The following RIMS2 variants were observed in gnomAD, a reference collection of about 807,000 sequenced individuals.
RIMS2 encodes the protein regulating synaptic membrane exocytosis protein 2.
RIMS2 carries 59 observed loss-of-function variants against 174.4 expected under a neutral mutation model. The observed-to-expected ratio is 0.34, with a 90% confidence interval of 0.27 to 0.42. The LOEUF (loss-of-function observed/expected upper bound fraction) is 0.42. Among genes scored for constraint, RIMS2 ranks in the 10% least tolerant of loss-of-function variants. The pLI is 1.00. For missense variants in RIMS2, 1,620 were observed against 1,666.3 expected, an observed-to-expected ratio of 0.97 and a Z score of 0.48; for synonymous variants, 606 against 572.5, an observed-to-expected ratio of 1.06 and a Z score of -0.84.
At chr8:103,797,860 C>T (rs1564676994) in intron 3 of RIMS2, among the ~76,000 whole-genome samples, 1 of 152,130 alleles carries the variant, frequency 6.6e-6, no homozygotes. Context: ...CAGTTTGTCA[C>T]TGCCAGTCCT....
At chr8:103,851,948 T>C (rs528809705) in intron 3 of RIMS2, among the ~76,000 whole-genome samples, 1 of 152,096 alleles carries the variant, frequency 6.6e-6, no homozygotes, top group African/African-American at 2.4e-5. Context: ...ATTGCATGTT[T>C]TTGTATCTCT....
chr8:104,044,558 T>G (rs1044386375), intron 19 of RIMS2, among the ~76,000 whole-genome samples: 1 of 151,524 alleles, frequency 6.6e-6, no homozygotes, highest in African/African-American at 2.4e-5. Flanking sequence ...AGGATGTATG[T>G]GGGATGTTTA....
intron 19 of RIMS2, among the ~76,000 whole-genome samples, chr8:104,022,407 G>T (rs2096123778): frequency 6.6e-6 from 1 of 152,006 alleles, no homozygotes; most frequent in Admixed American, 6.6e-5. Flanking sequence ...TTAAGACAGG[G>T]TCTTGCTCTC....
chr8:103,898,363 G>T (rs2099303669), intron 4 of RIMS2, among the ~76,000 whole-genome samples: 2 of 151,602 alleles, frequency 1.3e-5, no homozygotes, highest in Admixed American at 1.3e-4. Flanking sequence ...CATCCCAGGG[G>T]TATGTGATAG....
intron 19 of RIMS2, among the ~76,000 whole-genome samples, chr8:104,078,497 A>G (rs1200457937): frequency 6.6e-6 from 1 of 152,096 alleles, no homozygotes; most frequent in East Asian, 1.9e-4. Context: ...TTATAAGGAC[A>G]CCAATCATAT....
At chr8:103,968,178 T>C (rs1222863051) in intron 15 of RIMS2, among the ~76,000 whole-genome samples, 2 of 152,122 alleles carry the variant, frequency 1.3e-5, no homozygotes, top group African/African-American at 4.8e-5. Flanking sequence ...CCTAACTTCT[T>C]TTGATTAGTG....
intron 3 of RIMS2, among the ~76,000 whole-genome samples, chr8:103,853,648 C>A (rs939538973): frequency 3.3e-5 from 5 of 152,092 alleles, no homozygotes; most frequent in African/African-American, 1.2e-4. Flanking sequence ...GAGTTCATTA[C>A]CCATTGATTG....
At chr8:103,624,446 T>C (rs1210215468) in intron 1 of RIMS2, among the ~76,000 whole-genome samples, 1 of 152,182 alleles carries the variant, frequency 6.6e-6, no homozygotes, top group African/African-American at 2.4e-5. Flanking sequence ...ACTGATTTCC[T>C]AGCTCGCAAA....
At chr8:104,075,567 C>T (rs2097273384) in intron 19 of RIMS2, among the ~76,000 whole-genome samples, 1 of 152,190 alleles carries the variant, frequency 6.6e-6, no homozygotes. Context: ...ATGCCAGTGG[C>T]TGTACCTGGA....
At chr8:103,716,125 A>G (rs2097365526) in intron 2 of RIMS2, among the ~76,000 whole-genome samples, 184 bp from the exon 5 acceptor site, 1 of 151,998 alleles carries the variant, frequency 6.6e-6, no homozygotes, top group Non-Finnish European at 1.5e-5. Flanking sequence ...AATCTCCCCT[A>G]AAATTTTTTA....
At chr8:103,730,887 C>T (rs1053163249) in intron 2 of RIMS2, among the ~76,000 whole-genome samples, 10 of 152,164 alleles carry the variant, frequency 6.6e-5, no homozygotes, top group South Asian at 2.1e-4. Context: ...AATGCATATC[C>T]GAGACTGGAT....
At chr8:103,728,745 C>CTTTTTTTTTTT (rs1311572866) in intron 2 of RIMS2, among the ~76,000 whole-genome samples, 1 of 68,152 alleles carries the variant, frequency 1.5e-5, no homozygotes, top group African/African-American at 7.8e-5. Flanking sequence ...AGGTATGCTC[C>CTTTTTTTTTTT]TTCTTTTTTT....
At chr8:103,738,791 C>T (rs1403782178) in intron 2 of RIMS2, among the ~76,000 whole-genome samples, 2 of 152,098 alleles carry the variant, frequency 1.3e-5, no homozygotes, top group Admixed American at 6.6e-5. Context: ...CTCATCGTCA[C>T]TGGCCATCAG....
intron 19 of RIMS2, among the ~76,000 whole-genome samples, chr8:104,096,601 G>C (rs2097766721): frequency 6.6e-6 from 1 of 152,160 alleles, no homozygotes; most frequent in African/African-American, 2.4e-5. Flanking sequence ...CGGGTGCGAT[G>C]GCTCACGCCT....
Position 103,551,758 on chromosome 8 carries a change from G to A in RIMS2, c.176+50696G>A, listed in dbSNP as rs186879680. On this transcript the variant is annotated intron_variant, in intron 1 of 23. Transcript: ENST00000504942. ...ATAAGCAACTTCAGCAAAGTCTCAG[G>A]ATACAAAAATCAATGTGCAAAAATC... Among the ~76,000 whole-genome samples the A allele has an allele frequency of 3.2e-4, 49 of 152,180 alleles. No homozygotes were observed. The East Asian group carries it at 7.6e-3, about 23-fold the overall frequency.
intron 2 of RIMS2, among the ~76,000 whole-genome samples, chr8:103,719,425 A>T (rs1005288988): frequency 6.6e-6 from 1 of 152,244 alleles, no homozygotes; most frequent in South Asian, 2.1e-4. Flanking sequence ...GATTTTCTTC[A>T]GAAATGCAGA....
intron 1 of RIMS2, among the ~76,000 whole-genome samples, chr8:103,608,819 C>G (rs781269243): frequency 2.8e-4 from 42 of 152,200 alleles, no homozygotes; most frequent in Non-Finnish European, 5.1e-4. Context: ...TTGCACTTCC[C>G]AAGTGAGGCA....
intron 10 of RIMS2, chr8:103,927,698 C>CTTAA (rs1406137245): frequency 3.1e-6 from 2 of 651,834 alleles, no homozygotes; most frequent in Non-Finnish European, 5.4e-6. Flanking sequence ...CACTGAAGTA[C>CTTAA]TTAATTTTGA....
chr8:103,995,308 A>G (rs1596627227), intron 17 of RIMS2, among the ~76,000 whole-genome samples: 1 of 152,136 alleles, frequency 6.6e-6, no homozygotes, highest in Non-Finnish European at 1.5e-5. Flanking sequence ...AAATTATCCT[A>G]TATCAACTAA....
Sources: allele counts gnomAD v4.1 joint callset (sites outside exome capture counted in the v4.1 genomes callset), GRCh38; gene constraint gnomAD v4.1.1; transcripts MANE v1.5; gene names NCBI Gene and HGNC (gene_info 2026-07-23, HGNC 2026-07-21).